The following TLK1 variants were observed in gnomAD, a reference collection of about 807,000 sequenced individuals.
TLK1 encodes tousled like kinase 1.
In TLK1, 24 loss-of-function variants were observed where a neutral mutation model predicts 105.3. That is an observed-to-expected ratio of 0.23 (90% confidence interval 0.17 to 0.32). The LOEUF is 0.32. Ranked by LOEUF, TLK1 falls within the 10% of genes least tolerant of loss-of-function variation. The pLI, the probability that TLK1 is intolerant of heterozygous loss-of-function variation, is 1.00. For missense variants in TLK1, 558 were observed against 910.5 expected, an observed-to-expected ratio of 0.61 and a Z score of 4.98; for synonymous variants, 321 against 310.4, an observed-to-expected ratio of 1.03 and a Z score of -0.36.
intron 1 of TLK1, among the ~76,000 whole-genome samples, chr2:171,156,252 T>G (rs1692228853): frequency 6.6e-6 from 1 of 152,170 alleles, no homozygotes; most frequent in Non-Finnish European, 1.5e-5. Flanking sequence ...CCAGCTGTCT[T>G]CTCCAAGTAA....
At position 171,211,071 on chromosome 2, in the gene TLK1, C is replaced by T. The variant is rs905326695; in HGVS notation, c.-6+20074G>A. On this transcript the variant is annotated intron_variant, in intron 1 of 20. Coordinates refer to the TLK1 transcript ENST00000521943. ...TGACATCCTTTGGGCACATGAAAAC[C>T]TTACTTTTGGTTGATTTCTCTGCTT... Among the ~76,000 whole-genome samples, 3 of 152,290 alleles carry T rather than the reference C, an allele frequency of 2.0e-5. No homozygotes were observed. In the South Asian group the frequency reaches 6.2e-4, roughly 32 times the overall value.
At chr2:171,112,358 A>C (rs1413778125) in intron 2 of TLK1, among the ~76,000 whole-genome samples, 1 of 152,234 alleles carries the variant, frequency 6.6e-6, no homozygotes, top group African/African-American at 2.4e-5. Context: ...TAATAATCCA[A>C]AGGAGAAAAA....
chr2:171,094,692 T>A (rs1689379827), intron 2 of TLK1, among the ~76,000 whole-genome samples: 1 of 152,122 alleles, frequency 6.6e-6, no homozygotes, highest in South Asian at 2.1e-4. Context: ...CACTGCAACC[T>A]CCACCTCCCA....
intron 2 of TLK1, among the ~76,000 whole-genome samples, chr2:171,088,272 C>A (rs1258965104): frequency 6.6e-6 from 1 of 152,154 alleles, no homozygotes; most frequent in African/African-American, 2.4e-5. Context: ...ATAGAGGCTG[C>A]AGTGAGCTGT....
intron 1 of TLK1, among the ~76,000 whole-genome samples, chr2:171,203,680 A>G (rs1372850875): frequency 6.6e-6 from 1 of 152,202 alleles, no homozygotes; most frequent in Admixed American, 6.5e-5. Context: ...ATTTATACAG[A>G]ATATATCAGA....
rs192272522 is a variant in TLK1, at chr2:171,155,325, G to A, written c.139+4965C>T. ...ACTCTACTAAACTGTATCATAAACA[G>A]CATTTGGTTCTCTAAAATGTCTTAA... is the stretch of plus-strand genomic sequence containing the variant. On this transcript the variant is annotated intron_variant, in intron 1 of 20. Coordinates refer to ENST00000431350, the MANE Select transcript of TLK1 (RefSeq NM_012290.5). 4.6e-5 allele frequency among the ~76,000 whole-genome samples: 7 copies of A among 152,226 alleles called. 1 individual carries two copies. In the East Asian group the frequency reaches 1.2e-3, roughly 25 times the overall value.
intron 6 of TLK1, among the ~76,000 whole-genome samples, chr2:171,055,378 C>T (rs548611818): frequency 6.6e-6 from 1 of 151,478 alleles, no homozygotes; most frequent in Admixed American, 6.6e-5. Flanking sequence ...TACATAAGAC[C>T]CAGTGAGAAA....
At chr2:171,036,180 C>T (rs756447186) in intron 11 of TLK1, among the ~76,000 whole-genome samples, 6 of 152,216 alleles carry the variant, frequency 3.9e-5, no homozygotes, top group Non-Finnish European at 7.3e-5. Flanking sequence ...CACAGTGGCT[C>T]ACGCCTGCAA....
At chr2:171,230,101 G>A (rs13423781) in intron 1 of TLK1, among the ~76,000 whole-genome samples, 7,772 of 151,924 alleles carry the variant, frequency 0.051, 447 homozygotes, top group East Asian at 0.25. Context: ...TATTTCCAGA[G>A]GCCCACCATC....
intron 18 of TLK1, among the ~76,000 whole-genome samples, chr2:170,999,231 T>A (rs6715332): frequency 0.59 from 89,298 of 151,976 alleles, 28,270 homozygotes; most frequent in East Asian, 0.95. Flanking sequence ...CTATTTTTTT[T>A]AAAAAATGCA....
chr2:171,000,983 C>T (rs2105355347), intron 18 of TLK1, among the ~76,000 whole-genome samples: 2 of 152,302 alleles, frequency 1.3e-5, no homozygotes, highest in East Asian at 3.9e-4. Context: ...TGAATTTCTC[C>T]AAGATCCATA....
At chr2:171,182,935 A>AGAAAGAAAG (rs1553487147) in intron 1 of TLK1, among the ~76,000 whole-genome samples, 22 of 128,836 alleles carry the variant, frequency 1.7e-4, no homozygotes, top group African/African-American at 8.0e-4. Context: ...AAAAAAAAAA[A>AGAAAGAAAG]AAAGAAAGAA....
intron 1 of TLK1, among the ~76,000 whole-genome samples, chr2:171,193,170 T>A (rs1693187841): frequency 6.6e-6 from 1 of 152,078 alleles, no homozygotes; most frequent in East Asian, 1.9e-4. Context: ...AAGAAAGCAA[T>A]CTGTGAGCTC....
chr2:171,041,818 T>A (rs1385751656), intron 11 of TLK1, among the ~76,000 whole-genome samples: 1 of 152,348 alleles, frequency 6.6e-6, no homozygotes, highest in South Asian at 2.1e-4. Flanking sequence ...ACTAGATTCA[T>A]AACTTGTCCC....
At chr2:171,052,378 A>G (rs1237670790) in intron 8 of TLK1, among the ~76,000 whole-genome samples, 1 of 152,236 alleles carries the variant, frequency 6.6e-6, no homozygotes, top group East Asian at 1.9e-4. Context: ...CATATACCAC[A>G]GAAAAATTCT....
intron 3 of TLK1, among the ~76,000 whole-genome samples, chr2:171,063,137 G>A (rs1014512482): frequency 4.6e-5 from 7 of 152,114 alleles, no homozygotes; most frequent in Non-Finnish European, 7.3e-5. Flanking sequence ...TATGAGGTCA[G>A]GAGTTCTAGA....
intron 1 of TLK1, among the ~76,000 whole-genome samples, chr2:171,224,506 C>T (rs1355771861): frequency 6.6e-6 from 1 of 151,998 alleles, no homozygotes; most frequent in Non-Finnish European, 1.5e-5. Context: ...CTTTAGACTG[C>T]TTTGTATAGT....
At chr2:171,046,474 C>G in intron 10 of TLK1, 112 bp from the exon 11 acceptor site, 4 of 1,237,268 alleles carry the variant, frequency 3.2e-6, no homozygotes, top group Non-Finnish European at 4.3e-6. Context: ...CATTCGTAAC[C>G]TTTTGGTTCC....
chr2:171,034,005 C>A (rs1686193223), intron 11 of TLK1, among the ~76,000 whole-genome samples: 1 of 150,916 alleles, frequency 6.6e-6, no homozygotes, highest in Non-Finnish European at 1.5e-5. Flanking sequence ...GACCAGCAAA[C>A]ACATTAAAAG....
Sources: allele counts gnomAD v4.1 joint callset (sites outside exome capture counted in the v4.1 genomes callset), GRCh38; gene constraint gnomAD v4.1.1; transcripts MANE v1.5; gene names NCBI Gene and HGNC (gene_info 2026-07-23, HGNC 2026-07-21).